TRAM2: variants seen among roughly 807,000 people sequenced by gnomAD.
TRAM2 encodes translocating chain-associated membrane protein 2.
TRAM2 carries 12 observed loss-of-function variants against 51.0 expected under a neutral mutation model. The observed-to-expected ratio is 0.24, with a 90% CI of 0.15 to 0.38. The LOEUF (loss-of-function observed/expected upper bound fraction) is 0.38, where lower values mean the gene tolerates loss of function less well. Ranked by LOEUF, TRAM2 falls within the 10% of genes least tolerant of loss-of-function variation. The probability of loss-of-function intolerance (pLI) is 1.00; values close to 1 mark genes in which losing one functional copy is unlikely to be tolerated. For synonymous variants in TRAM2, 175 were observed against 179.4 expected (o/e 0.98, Z 0.20); for missense variants, 361 against 462.0 (o/e 0.78, Z 2.00).
At position 52,512,429 on chromosome 6, in the gene TRAM2, T is replaced by A. The variant is rs556540661; in HGVS notation, c.412-2843A>T. Among the ~76,000 whole-genome samples the A allele has an allele frequency of 2.6e-5, 4 of 152,214 alleles. No homozygotes were observed. The East Asian group carries it at 7.7e-4, about 29-fold the overall frequency. Reference sequence around the variant, plus strand: ...CAGGGGGAGCCAGAGGAAAAATGACTCACTGCTCTGAGAACAGCCTTTTCC... The same window carrying A: ...CAGGGGGAGCCAGAGGAAAAATGACACACTGCTCTGAGAACAGCCTTTTCC... On this transcript the variant is annotated intron_variant, in intron 4 of 10. Transcript: ENST00000182527.
Position 52,516,706 on chromosome 6 carries a change from A to C in TRAM2, c.216T>G (p.Pro72=), listed in dbSNP as rs554013337. Reference sequence around the variant, plus strand: ...AGAACAAGATTGTGACCAGGTCCTTAGGGCCATAGTGGTAGTGCACGGTCT... The same window carrying C: ...AGAACAAGATTGTGACCAGGTCCTTCGGGCCATAGTGGTAGTGCACGGTCT... The part of the protein sequence containing the change: ...DSETVHYHYG[P]KDLVTILFYI... The change falls in exon 3 of 11, where the codon CCT becomes CCG. Residue 72 remains proline (P), a synonymous_variant. Transcript: ENST00000182527. 1.9e-6 allele frequency: 3 copies of C among 1,614,178 alleles called. No individual in the cohort carries two copies. In the South Asian group the frequency reaches 3.3e-5, roughly 18 times the overall value.
At chr6:52,556,219 G>A (rs1374802545) in intron 1 of TRAM2, among the ~76,000 whole-genome samples, 3 of 151,784 alleles carry the variant, frequency 2.0e-5, no homozygotes, top group Admixed American at 6.6e-5. Flanking sequence ...AGGGAGAAGT[G>A]GGGCTCAGAG....
Position 52,498,352 on chromosome 6 carries a change from A to C in TRAM2, c.*4845T>G, listed in dbSNP as rs929376730. The C allele has an allele frequency of 6.6e-6, 1 of 152,658 alleles. No homozygotes were observed. 9.5% of individuals were successfully genotyped at this position (152,658 alleles called of 1,614,324 possible). ...AAGGTAACACTGAATTAGGAGCTCG[A>C]ACAGTTCTGCAACAGTCAGACATGT... On this transcript the variant is annotated 3_prime_UTR_variant, in exon 11 of 11. Transcript: ENST00000182527.
intron 2 of TRAM2, among the ~76,000 whole-genome samples, chr6:52,518,230 T>C (rs564822917): frequency 7.9e-5 from 12 of 152,136 alleles, no homozygotes; most frequent in African/African-American, 2.2e-4. Context: ...CAGAACGGCA[T>C]TGGAACTCGG....
chr6:52,548,260 CAT>C (rs1767245515), intron 1 of TRAM2, among the ~76,000 whole-genome samples: 1 of 152,226 alleles, frequency 6.6e-6, no homozygotes, highest in Non-Finnish European at 1.5e-5. Context: ...ACTCCAACTC[CAT>C]TATCACGAAG....
rs1467856073 is a variant in TRAM2, at chr6:52,508,275, G to T, written c.514C>A (p.Leu172Met). The change falls in exon 6 of 11, where the codon CTG (leucine) becomes ATG (methionine). Residue 172 changes from leucine to methionine, a missense_variant. Transcript: ENST00000182527. ...AAGTATAGCTCAGGAAGTGCGTGCA[G>T]CCAGTAGGCCAGCTGGCATAGGTAG... ...FFYLCQLAYW[L>M]HALPELYFQK... 1.9e-6 allele frequency: 3 copies of T among 1,614,050 alleles called. No homozygotes were observed. The South Asian group carries it at 3.3e-5, about 18-fold the overall frequency.
intron 2 of TRAM2, among the ~76,000 whole-genome samples, chr6:52,521,493 A>C (rs1250494749): frequency 6.6e-6 from 1 of 151,616 alleles, no homozygotes; most frequent in Non-Finnish European, 1.5e-5. Flanking sequence ...GGAGCTCGAG[A>C]CCATCCTGGC....
chr6:52,542,737 A>C (rs912255334), intron 1 of TRAM2, among the ~76,000 whole-genome samples: 11 of 152,198 alleles, frequency 7.2e-5, no homozygotes, highest in Non-Finnish European at 8.8e-5. Context: ...TATGAAAAAA[A>C]CTCGAAATTT....
chr6:52,541,684 G>A (rs868486098), intron 1 of TRAM2, among the ~76,000 whole-genome samples: 1 of 152,176 alleles, frequency 6.6e-6, no homozygotes, highest in Non-Finnish European at 1.5e-5. Flanking sequence ...TGCCCAGATA[G>A]GTTCTCCTTT....
intron 7 of TRAM2, among the ~76,000 whole-genome samples, chr6:52,506,353 C>G (rs1208535618): frequency 6.6e-6 from 1 of 152,190 alleles, no homozygotes; most frequent in Non-Finnish European, 1.5e-5. Flanking sequence ...TTCAGCTGTC[C>G]TGTCTCAGTC....
intron 1 of TRAM2, among the ~76,000 whole-genome samples, chr6:52,542,625 C>G (rs761442): frequency 1.3e-5 from 2 of 152,014 alleles, no homozygotes; most frequent in East Asian, 3.9e-4. Context: ...TAAACAAACA[C>G]GCACACAACA....
chr6:52,558,843 G>C lies in TRAM2; in HGVS notation c.120+17953C>G, dbSNP rs111851793. 2.0e-3 allele frequency among the ~76,000 whole-genome samples: 300 copies of C among 152,316 alleles called. 2 individuals are homozygous for C. Among genetic ancestry groups the C allele is most frequent in the African/African-American group, 7.1e-3 (295 of 41,560 alleles). ...AAGGAAGATTCAGAAAAATGTGTCA[G>C]TGGCTAGAGATGTGGCCCCAAACCC... On this transcript the variant is annotated intron_variant, in intron 1 of 10. Coordinates refer to ENST00000182527, the MANE Select transcript of TRAM2 (RefSeq NM_012288.4).
intron 1 of TRAM2, among the ~76,000 whole-genome samples, chr6:52,568,179 G>T (rs918523235): frequency 6.6e-6 from 1 of 152,158 alleles, no homozygotes; most frequent in Non-Finnish European, 1.5e-5. Flanking sequence ...CCCTGCTGCA[G>T]GCCCTCCATT....
In TRAM2 at chr6:52,535,754, AGGAGAAGAT is replaced by A; in HGVS notation, c.184+20_184+28del. 1 of 1,595,790 alleles carries A rather than the reference AGGAGAAGAT, an allele frequency of 6.3e-7. No homozygotes were observed. The highest frequency in any genetic ancestry group is 8.6e-7 in the Non-Finnish European group (1 of 1,164,586). ...CAGGTCCTTCAGGGTTAACAGGGCC[AGGAGAAGAT>A]GGAGACCAGTGATTCTTACCTGCTG... On this transcript the variant is annotated intron_variant, in intron 2 of 10. Coordinates refer to ENST00000182527, the MANE Select transcript of TRAM2 (RefSeq NM_012288.4).
At chr6:52,504,842 C>T in intron 9 of TRAM2, 88 bp from the exon 10 acceptor site, 2 of 1,236,512 alleles carry the variant, frequency 1.6e-6, no homozygotes. Flanking sequence ...GGGCCAGGGG[C>T]CCTGCAGTTC....
chr6:52,506,603 C>T (rs75904411), intron 7 of TRAM2, among the ~76,000 whole-genome samples: 198 of 152,346 alleles, frequency 1.3e-3, no homozygotes, highest in African/African-American at 4.5e-3. Context: ...CCTGCTTATA[C>T]GTTCTTCCCC....
At chr6:52,537,710 G>C (rs1193724659) in intron 1 of TRAM2, among the ~76,000 whole-genome samples, 2 of 98,318 alleles carry the variant, frequency 2.0e-5, no homozygotes, top group East Asian at 6.6e-4. Context: ...CAGTCCCACA[G>C]GCAGGGACTG....
chr6:52,525,583 G>A (rs1226156529), intron 2 of TRAM2, among the ~76,000 whole-genome samples: 3 of 152,190 alleles, frequency 2.0e-5, no homozygotes, highest in Non-Finnish European at 2.9e-5. Context: ...GCCAAGGCGG[G>A]TGGATCACGA....
intron 4 of TRAM2, 46 bp downstream of exon 4, chr6:52,515,960 C>A (rs771212764): frequency 1.3e-6 from 2 of 1,549,670 alleles, no homozygotes; most frequent in Admixed American, 3.4e-5. Context: ...TGGAATTGCC[C>A]CTTGGTTTGA....
Sources: allele counts gnomAD v4.1 joint callset (sites outside exome capture counted in the v4.1 genomes callset), GRCh38; gene constraint gnomAD v4.1.1; transcripts MANE v1.5; gene names NCBI Gene and HGNC (gene_info 2026-07-23, HGNC 2026-07-21).